Variants in GNB5 observed in about 807,000 individuals in gnomAD.
GNB5 encodes G protein subunit beta 5.
Under a neutral mutation model 55.3 loss-of-function variants are expected in GNB5, and 37 were observed. The ratio of observed to expected loss-of-function variants is 0.67; its 90% CI spans 0.51 to 0.88. The LOEUF is 0.88. Among genes scored for constraint, GNB5 ranks in the 40% least tolerant of loss-of-function variants. The pLI, the probability that GNB5 is intolerant of heterozygous loss-of-function variation, is 0.00. For synonymous variants in GNB5, 219 were observed against 198.5 expected (o/e 1.10, Z -0.87); for missense variants, 476 against 515.3 (o/e 0.92, Z 0.74).
At chr15:52,156,122 T>A (rs1375313620) in intron 3 of GNB5, among the ~76,000 whole-genome samples, 1 of 152,216 alleles carries the variant, frequency 6.6e-6, no homozygotes, top group African/African-American at 2.4e-5. Context: ...TCATTTACAT[T>A]AGTAGAGACT....
intron 3 of GNB5, among the ~76,000 whole-genome samples, chr15:52,161,913 C>G (rs543323117): frequency 7.2e-5 from 11 of 152,350 alleles, no homozygotes; most frequent in Admixed American, 5.9e-4. Context: ...ACTGCCTCTG[C>G]TTTGGCTCAT....
At chr15:52,158,367 A>G (rs141894417) in intron 3 of GNB5, among the ~76,000 whole-genome samples, 1 of 152,350 alleles carries the variant, frequency 6.6e-6, no homozygotes, top group Non-Finnish European at 1.5e-5. Context: ...AGCATGGCGT[A>G]CAGTGAGTAC....
intron 1 of GNB5, among the ~76,000 whole-genome samples, chr15:52,186,690 G>A (rs2034851286): frequency 6.6e-6 from 1 of 152,162 alleles, no homozygotes; most frequent in African/African-American, 2.4e-5. Flanking sequence ...AGATAATTGG[G>A]GGCGCTGGTC....
At position 52,135,763 on chromosome 15, in the gene GNB5, G is replaced by A. The variant is rs371734749; in HGVS notation, c.628-7C>T. 2.6e-5 allele frequency: 42 copies of A among 1,611,360 alleles called. No homozygotes were observed. The African/African-American group carries it at 5.1e-4, about 19-fold the overall frequency. On this transcript the variant is annotated splice_polypyrimidine_tract_variant and splice_region_variant and intron_variant, in intron 7 of 12. Transcript: ENST00000261837. ...CGCCGCTCGCTGTCAGGATCTGCCCGCAGAAAAGGACAGGAAGTGGGTGGT... is the reference window on the plus strand; with the variant it reads ...CGCCGCTCGCTGTCAGGATCTGCCCACAGAAAAGGACAGGAAGTGGGTGGT...
chr15:52,158,661 T>A (rs1439045260), intron 3 of GNB5, among the ~76,000 whole-genome samples: 3 of 151,858 alleles, frequency 2.0e-5, no homozygotes, highest in Non-Finnish European at 2.9e-5. Flanking sequence ...TTTTTTTTTT[T>A]AAAGTTCCTT....
chr15:52,154,159 C>T (rs139093844), intron 3 of GNB5, 83 bp from the exon 4 acceptor site: 88 of 1,370,728 alleles, frequency 6.4e-5, no homozygotes, highest in East Asian at 1.2e-4. Flanking sequence ...ACATATGTTC[C>T]GCAGAGGGAG....
chr15:52,156,791 C>T (rs1439843680), intron 3 of GNB5, among the ~76,000 whole-genome samples: 4 of 152,152 alleles, frequency 2.6e-5, no homozygotes, highest in Non-Finnish European at 4.4e-5. Context: ...CTCTAAAGTG[C>T]TACATGAATG....
chr15:52,158,648 C>CTT (rs563293671), intron 3 of GNB5, among the ~76,000 whole-genome samples: 1 of 145,384 alleles, frequency 6.9e-6, no homozygotes, highest in Admixed American at 7.0e-5. Context: ...GCTCACCAAC[C>CTT]TTTTTTTTTT....
intron 8 of GNB5, among the ~76,000 whole-genome samples, chr15:52,134,535 G>A (rs1304390396): frequency 1.3e-5 from 2 of 152,304 alleles, no homozygotes; most frequent in African/African-American, 4.8e-5. Context: ...TACAGTAATA[G>A]CAGTAATTTT....
At chr15:52,157,100 T>C (rs1406427512) in intron 3 of GNB5, among the ~76,000 whole-genome samples, 2 of 151,700 alleles carry the variant, frequency 1.3e-5, no homozygotes, top group East Asian at 3.9e-4. Context: ...CACTCCTGGC[T>C]AATTTTTTGT....
chr15:52,185,144 G>C (rs930024095), intron 1 of GNB5, among the ~76,000 whole-genome samples: 3 of 152,260 alleles, frequency 2.0e-5, no homozygotes, highest in African/African-American at 7.2e-5. Flanking sequence ...AGTAAGTGTG[G>C]TGTGGGTTCC....
At chr15:52,157,816 A>G (rs2034247818) in intron 3 of GNB5, among the ~76,000 whole-genome samples, 1 of 151,996 alleles carries the variant, frequency 6.6e-6, no homozygotes, top group Non-Finnish European at 1.5e-5. Context: ...GATCACTGCC[A>G]ACCCACTCCA....
chr15:52,175,316 T>C (rs1300477579), intron 3 of GNB5, among the ~76,000 whole-genome samples: 1 of 152,222 alleles, frequency 6.6e-6, no homozygotes. Context: ...CTCATGTGTC[T>C]GGCCACACAT....
At chr15:52,156,605 T>G (rs902320446) in intron 3 of GNB5, among the ~76,000 whole-genome samples, 3 of 152,110 alleles carry the variant, frequency 2.0e-5, no homozygotes, top group Non-Finnish European at 4.4e-5. Flanking sequence ...GTGGCACATA[T>G]CTGTGGTCCC....
At position 52,126,957 on chromosome 15, in the gene GNB5, T is replaced by C. The variant is rs139593515; in HGVS notation, c.913-913A>G. On this transcript the variant is annotated intron_variant, in intron 10 of 12. Transcript: ENST00000261837. ...GATTACAGGTGACCGCCACCACGCC[T>C]GGCTAATTTTTGTATTTTTAGTAGA... 4.7e-3 allele frequency among the ~76,000 whole-genome samples: 721 copies of C among 152,210 alleles called. 17 individuals carry two copies. The highest frequency in any genetic ancestry group is 0.025 in the East Asian group (128 of 5,178).
intron 8 of GNB5, among the ~76,000 whole-genome samples, chr15:52,134,288 A>G (rs1263834577): frequency 6.6e-6 from 1 of 152,188 alleles, no homozygotes; most frequent in Non-Finnish European, 1.5e-5. Context: ...AGCTTATATG[A>G]TCAAACAGCT....
rs146363860 is a variant in GNB5, at chr15:52,170,796, T to G, written c.238+8972A>C. Among the ~76,000 whole-genome samples the G allele has an allele frequency of 3.3e-5, 5 of 152,016 alleles. No homozygotes were observed. In the East Asian group the frequency reaches 9.6e-4, roughly 29 times the overall value. On this transcript the variant is annotated intron_variant, in intron 3 of 12. Transcript: ENST00000261837. Reference sequence around the variant, plus strand: ...TATCTCACTTGTATTTGTCAGAGATTTGTGAATTGCCTTAAAAAAATTCAT... The same window carrying G: ...TATCTCACTTGTATTTGTCAGAGATGTGTGAATTGCCTTAAAAAAATTCAT...
rs199692679 is a variant in GNB5 at position 52,147,551 on chromosome 15, G to C, written c.418-16C>G. The C allele has an allele frequency of 4.9e-6, 7 of 1,439,304 alleles. No homozygotes were observed. The East Asian group carries it at 1.7e-4, about 34-fold the overall frequency. The allele number at this position is 1,439,304 out of a possible 1,614,324, so 89.2% of individuals were successfully genotyped here. On this transcript the variant is annotated splice_polypyrimidine_tract_variant and intron_variant, in intron 5 of 12. Transcript: ENST00000261837. Reference sequence around the variant, plus strand: ...CCGCGTGCTCCTGAAACACAGCACAGAGTGAACAACTAGCACTTCCACACA... The same window carrying C: ...CCGCGTGCTCCTGAAACACAGCACACAGTGAACAACTAGCACTTCCACACA...
intron 3 of GNB5, among the ~76,000 whole-genome samples, chr15:52,178,273 A>T (rs1178219628): frequency 2.0e-5 from 3 of 152,130 alleles, no homozygotes; most frequent in Non-Finnish European, 4.4e-5. Context: ...TCATCTGTCA[A>T]ATGGAGAAAT....
Sources: allele counts gnomAD v4.1 joint callset (sites outside exome capture counted in the v4.1 genomes callset), GRCh38; gene constraint gnomAD v4.1.1; transcripts MANE v1.5; gene names NCBI Gene and HGNC (gene_info 2026-07-23, HGNC 2026-07-21).